The following RALGPS1 variants were observed in gnomAD, a reference collection of about 807,000 sequenced individuals.
RALGPS1 encodes ras-specific guanine nucleotide-releasing factor RalGPS1.
Under a neutral mutation model 78.8 loss-of-function variants are expected in RALGPS1, and 19 were observed. That is an observed-to-expected ratio of 0.24 (90% CI 0.17 to 0.35). The LOEUF (loss-of-function observed/expected upper bound fraction) is 0.35, where lower values mean the gene tolerates loss of function less well. RALGPS1 is among the 10% of genes least tolerant of loss of function. The pLI, the probability that RALGPS1 is intolerant of heterozygous loss-of-function variation, is 1.00. For missense variants in RALGPS1, 454 were observed against 688.3 expected, an observed-to-expected ratio of 0.66 and a Z score of 3.81; for synonymous variants, 228 against 256.3, an observed-to-expected ratio of 0.89 and a Z score of 1.06.
chr9:127,210,640 A>G, intron 14 of RALGPS1: 1 of 1,371,486 alleles, frequency 7.3e-7, no homozygotes, highest in Non-Finnish European at 1.0e-6. Context: ...TGCCTCCTTC[A>G]GGAGCATCTG....
intron 3 of RALGPS1, among the ~76,000 whole-genome samples, chr9:126,975,709 C>G (rs941949242): frequency 6.6e-6 from 1 of 152,192 alleles, no homozygotes; most frequent in South Asian, 2.1e-4. Context: ...CTAGGCCAAA[C>G]ATAGACCTAT....
Position 127,066,798 on chromosome 9 carries a change from C to T in RALGPS1, c.484-2432C>T, listed in dbSNP as rs138888710. Among the ~76,000 whole-genome samples, 438 of 152,170 alleles carry T rather than the reference C, an allele frequency of 2.9e-3. 6 individuals carry two copies. Among genetic ancestry groups the T allele is most frequent in the East Asian group, 0.027 (138 of 5,168 alleles). On this transcript the variant is annotated intron_variant, in intron 7 of 18. Coordinates refer to ENST00000259351, the MANE Select transcript of RALGPS1 (RefSeq NM_014636.3). The stretch of plus-strand genomic sequence containing the variant: ...AGCTTTCCTTGACACTTCCTTTTCC[C>T]ATAATTCATTTATAATAATAATAAT...
chr9:126,993,671 G>T (rs2042469576), intron 4 of RALGPS1, among the ~76,000 whole-genome samples: 1 of 152,072 alleles, frequency 6.6e-6, no homozygotes, highest in African/African-American at 2.4e-5. Flanking sequence ...ACTGAGCTTT[G>T]AAGAGAGTAG....
At position 127,047,661 on chromosome 9, in the gene RALGPS1, T is replaced by G. The variant is rs915645469; in HGVS notation, c.301-2382T>G. ...TTGCAGTGAGCAGAGATCGTGCCAC[T>G]GCACTCCAGCCTCGGTGACAGAGCG... On this transcript the variant is annotated intron_variant, in intron 5 of 18. Transcript: ENST00000259351. 3.4e-5 allele frequency among the ~76,000 whole-genome samples: 5 copies of G among 148,658 alleles called. 1 individual carries two copies. The highest frequency in any genetic ancestry group is 1.2e-4 in the African/African-American group (5 of 40,090).
chr9:127,106,893 C>G (rs1037450497), intron 8 of RALGPS1: 2 of 152,168 alleles, frequency 1.3e-5, no homozygotes, highest in African/African-American at 4.8e-5. Context: ...CTCTCCCTGC[C>G]TATACAATGA....
At chr9:127,159,455 C>T (rs1225686224) in intron 8 of RALGPS1, among the ~76,000 whole-genome samples, 1 of 152,186 alleles carries the variant, frequency 6.6e-6, no homozygotes, top group Non-Finnish European at 1.5e-5. Flanking sequence ...ATGTGCTCAT[C>T]CAGAAAGCGT....
chr9:127,207,752 G>A (rs564275173), intron 14 of RALGPS1, among the ~76,000 whole-genome samples: 50 of 152,230 alleles, frequency 3.3e-4, no homozygotes, highest in South Asian at 1.5e-3. Context: ...GGACTCACCT[G>A]GAGGGAAGGC....
intron 5 of RALGPS1, among the ~76,000 whole-genome samples, chr9:127,045,490 C>G (rs2047670437): frequency 6.6e-6 from 1 of 151,920 alleles, no homozygotes. Context: ...TGGAATCAAA[C>G]AATATAAGAA....
At chr9:127,063,453 G>A (rs895475973) in intron 7 of RALGPS1, among the ~76,000 whole-genome samples, 3 of 152,038 alleles carry the variant, frequency 2.0e-5, no homozygotes, top group Non-Finnish European at 4.4e-5. Context: ...TGCATATGTG[G>A]TTATAGCCCC....
chr9:127,008,912 A>G (rs1488349372), intron 4 of RALGPS1, among the ~76,000 whole-genome samples: 1 of 152,176 alleles, frequency 6.6e-6, no homozygotes, highest in Non-Finnish European at 1.5e-5. Flanking sequence ...ATTTGCTGTT[A>G]TAATCATCAC....
chr9:127,191,854 C>T (rs959563568), intron 11 of RALGPS1, among the ~76,000 whole-genome samples: 83 of 152,086 alleles, frequency 5.5e-4, no homozygotes, highest in African/African-American at 1.8e-3. Context: ...CCTGCCACCA[C>T]GCCCGGCTAA....
intron 1 of RALGPS1, among the ~76,000 whole-genome samples, chr9:126,958,670 A>G (rs1388083573): frequency 1.3e-5 from 2 of 152,182 alleles, no homozygotes; most frequent in East Asian, 3.8e-4. Context: ...TTACCAGGTG[A>G]TAAACATTTG....
chr9:127,073,610 A>G (rs989589784), intron 8 of RALGPS1, among the ~76,000 whole-genome samples: 7 of 152,172 alleles, frequency 4.6e-5, no homozygotes, highest in African/African-American at 1.2e-4. Flanking sequence ...CCTTTGGATA[A>G]ATACCCAGTG....
At chr9:126,990,629 C>T (rs1335418643) in intron 4 of RALGPS1, among the ~76,000 whole-genome samples, 2 of 152,238 alleles carry the variant, frequency 1.3e-5, no homozygotes, top group African/African-American at 2.4e-5. Flanking sequence ...GCTCTGCCTC[C>T]GGGAGATGAT....
chr9:127,090,086 G>T (rs1049776878), intron 8 of RALGPS1, among the ~76,000 whole-genome samples: 1 of 152,164 alleles, frequency 6.6e-6, no homozygotes, highest in African/African-American at 2.4e-5. Flanking sequence ...TTTTCTGGGG[G>T]TCCCTCTGGG....
chr9:127,179,833 C>G (rs1156924314), intron 11 of RALGPS1, among the ~76,000 whole-genome samples: 1 of 152,220 alleles, frequency 6.6e-6, no homozygotes, highest in Non-Finnish European at 1.5e-5. Flanking sequence ...ACCCAGCCTA[C>G]CTGCCCTCAC....
intron 1 of RALGPS1, among the ~76,000 whole-genome samples, chr9:126,941,263 T>A (rs2036763076): frequency 6.6e-6 from 1 of 152,074 alleles, no homozygotes; most frequent in Admixed American, 6.6e-5. Flanking sequence ...ACAGGGTGAT[T>A]GTAGTCAATA....
intron 1 of RALGPS1, among the ~76,000 whole-genome samples, chr9:126,949,277 G>A (rs939762519): frequency 3.3e-5 from 5 of 152,200 alleles, no homozygotes; most frequent in Non-Finnish European, 5.9e-5. Context: ...AAACATAGGT[G>A]TGCATGTGTC....
intron 7 of RALGPS1, among the ~76,000 whole-genome samples, chr9:127,054,805 C>T (rs1456029256): frequency 6.6e-6 from 1 of 152,060 alleles, no homozygotes; most frequent in African/African-American, 2.4e-5. Context: ...ATAGCAAGAC[C>T]TCATCTCTGC....
Sources: gnomAD v4.1 joint callset for allele counts (sites outside exome capture counted in the v4.1 genomes callset) on GRCh38, gnomAD v4.1.1 for gene constraint, MANE v1.5 for transcripts, NCBI Gene and HGNC (gene_info 2026-07-23, HGNC 2026-07-21) for gene names.